The following TSHZ3 variants were observed in gnomAD, a reference collection of about 807,000 sequenced individuals.
TSHZ3 encodes the protein teashirt zinc finger homeobox 3.
In TSHZ3, 10 loss-of-function variants were observed where a neutral mutation model predicts 64.5. The ratio of observed to expected loss-of-function variants is 0.16; its 90% CI spans 0.10 to 0.26. The LOEUF (loss-of-function observed/expected upper bound fraction) is 0.26. Among genes scored for constraint, TSHZ3 ranks in the 10% least tolerant of loss-of-function variants. TSHZ3 has a pLI of 1.00. For missense variants in TSHZ3, 1,242 were observed against 1,421.7 expected (o/e 0.87, Z 2.03); for synonymous variants, 608 against 593.1 (o/e 1.03, Z -0.36).
Position 31,238,986 on chromosome 19 carries a change from A to G in TSHZ3, n.550+3283T>C, listed in dbSNP as rs529590202. 2.8e-3 allele frequency among the ~76,000 whole-genome samples: 433 copies of G among 152,280 alleles called. 1 individual carries two copies. Among genetic ancestry groups the G allele is most frequent in the African/African-American group, 9.7e-3 (402 of 41,562 alleles). On this transcript the variant is annotated intron_variant and non_coding_transcript_variant, in intron 3 of 6. Transcript: ENST00000651361. Reference sequence around the variant, plus strand: ...TTGCTTATTTCCTGTATTCTTTGATAAATATTTTAGATATCTAATACATCT... The same window carrying G: ...TTGCTTATTTCCTGTATTCTTTGATGAATATTTTAGATATCTAATACATCT...
chr19:31,233,703 C>G (rs1212648172), intron 3 of TSHZ3, among the ~76,000 whole-genome samples: 1 of 152,126 alleles, frequency 6.6e-6, no homozygotes, highest in East Asian at 1.9e-4. Flanking sequence ...AGAAGTTCTA[C>G]AGTTGAAGGC....
intron 1 of TSHZ3, among the ~76,000 whole-genome samples, chr19:31,244,779 G>A (rs1191307393): frequency 6.6e-6 from 1 of 152,112 alleles, no homozygotes; most frequent in East Asian, 1.9e-4. Flanking sequence ...AAGTAGCTGG[G>A]ACTACAGGCA....
At chr19:31,189,860 G>A (rs1026849405) in intron 5 of TSHZ3, among the ~76,000 whole-genome samples, 1 of 152,006 alleles carries the variant, frequency 6.6e-6, no homozygotes, top group Admixed American at 6.6e-5. Flanking sequence ...AGTTCCTTAA[G>A]TTTCTCCTTT....
intron 1 of TSHZ3, among the ~76,000 whole-genome samples, chr19:31,306,884 A>C (rs1163434914): frequency 6.6e-6 from 1 of 152,188 alleles, no homozygotes; most frequent in Admixed American, 6.5e-5. Flanking sequence ...ACATTCCAGC[A>C]TACGCCGCAG....
intron 5 of TSHZ3, among the ~76,000 whole-genome samples, chr19:31,200,603 A>G (rs1036790204): frequency 1.3e-5 from 2 of 152,198 alleles, no homozygotes; most frequent in Non-Finnish European, 2.9e-5. Context: ...ACGAAGCACA[A>G]AGGATATTTA....
At position 31,159,309 on chromosome 19, in the gene TSHZ3, T is replaced by G. The variant is rs78096698; in HGVS notation, n.810-2892A>C. 4.2e-3 allele frequency among the ~76,000 whole-genome samples: 640 copies of G among 152,032 alleles called. 3 individuals carry two copies. The highest frequency in any genetic ancestry group is 0.013 in the African/African-American group (542 of 41,434). ...AGCCACCATGCCCAGCCATCCCTCT[T>G]CTACTTTTAAGGACCTTCGTGATTA... is the stretch of plus-strand genomic sequence containing the variant. On this transcript the variant is annotated intron_variant and non_coding_transcript_variant, in intron 5 of 6. Transcript: ENST00000651361.
At chr19:31,328,718 C>T (rs1916993881) in intron 1 of TSHZ3, among the ~76,000 whole-genome samples, 1 of 152,040 alleles carries the variant, frequency 6.6e-6, no homozygotes, top group Admixed American at 6.5e-5. Flanking sequence ...AAGGGTCAGG[C>T]CTAGATGGTA....
intron 5 of TSHZ3, among the ~76,000 whole-genome samples, chr19:31,169,753 G>T (rs1974510321): frequency 6.6e-6 from 1 of 152,164 alleles, no homozygotes; most frequent in African/African-American, 2.4e-5. Context: ...GTAAGGGTGA[G>T]CCCTTGGCCA....
At chr19:31,251,600 C>G (rs1260983092) in intron 1 of TSHZ3, among the ~76,000 whole-genome samples, 1 of 152,290 alleles carries the variant, frequency 6.6e-6, no homozygotes, top group South Asian at 2.1e-4. Flanking sequence ...TCTAGCCCCA[C>G]CCTCTCCCCA....
intron 1 of TSHZ3, among the ~76,000 whole-genome samples, chr19:31,331,662 G>A (rs1917099007): frequency 6.6e-6 from 1 of 152,206 alleles, no homozygotes; most frequent in Non-Finnish European, 1.5e-5. Context: ...GGAGGCCAGC[G>A]GCTGCATTCA....
At chr19:31,159,530 T>G (rs983279617) in intron 5 of TSHZ3, among the ~76,000 whole-genome samples, 1 of 152,210 alleles carries the variant, frequency 6.6e-6, no homozygotes, top group South Asian at 2.1e-4. Context: ...TTCCACCTTT[T>G]TAATGTGGCT....
chr19:31,245,836 GC>G lies in TSHZ3; in HGVS notation n.64-2962del, dbSNP rs1322943985. ...CTCAGCATTCATTGCAGGTAGTGTGGCCCCCAGTGCAGCCACATTGGAATCC... is the reference window on the plus strand; with the variant it reads ...CTCAGCATTCATTGCAGGTAGTGTGGCCCCAGTGCAGCCACATTGGAATCC... On this transcript the variant is annotated intron_variant and non_coding_transcript_variant, in intron 1 of 6. Coordinates refer to the TSHZ3 transcript ENST00000651361. 3.9e-5 allele frequency among the ~76,000 whole-genome samples: 6 copies of G among 152,234 alleles called. No homozygotes were observed. The East Asian group carries it at 1.2e-3, about 29-fold the overall frequency.
At chr19:31,260,844 C>T (rs1410858401) in intron 1 of TSHZ3, among the ~76,000 whole-genome samples, 11 of 152,332 alleles carry the variant, frequency 7.2e-5, no homozygotes, top group Admixed American at 2.0e-4. Context: ...CTTAGGAAGG[C>T]ACTGAGCTTG....
chr19:31,350,036 C>T (rs1212264863), upstream of TSHZ3, among the ~76,000 whole-genome samples: 7 of 141,476 alleles, frequency 4.9e-5, no homozygotes, highest in Non-Finnish European at 9.4e-5. Flanking sequence ...CCGGGGCGCT[C>T]GTTACCCCCC....
chr19:31,229,905 A>T (rs1374322670), intron 3 of TSHZ3, among the ~76,000 whole-genome samples: 1 of 152,206 alleles, frequency 6.6e-6, no homozygotes, highest in Admixed American at 6.5e-5. Flanking sequence ...TAAAAAAGAA[A>T]AGATTATGTA....
At chr19:31,227,129 C>A (rs1022359173) in intron 4 of TSHZ3, among the ~76,000 whole-genome samples, 2 of 151,634 alleles carry the variant, frequency 1.3e-5, no homozygotes, top group African/African-American at 4.8e-5. Flanking sequence ...CAGGCCTGTG[C>A]CACCATGCCT....
chr19:31,298,323 G>A (rs371967490), intron 1 of TSHZ3, among the ~76,000 whole-genome samples: 17 of 152,136 alleles, frequency 1.1e-4, no homozygotes, highest in African/African-American at 3.9e-4. Context: ...GGGTAGGCAA[G>A]GGGGTCCCAG....
At chr19:31,248,227 C>G (rs1339185874) in intron 1 of TSHZ3, among the ~76,000 whole-genome samples, 7 of 152,008 alleles carry the variant, frequency 4.6e-5, no homozygotes. Flanking sequence ...GGTGGGGACA[C>G]AGCCAAGTCA....
chr19:31,296,111 T>A (rs16965399), intron 1 of TSHZ3, among the ~76,000 whole-genome samples: 7,110 of 150,922 alleles, frequency 0.047, 299 homozygotes, highest in African/African-American at 0.11. Flanking sequence ...CAAACATGGG[T>A]CTCTGTTTTC....
Sources: gnomAD v4.1 joint callset for allele counts (sites outside exome capture counted in the v4.1 genomes callset) on GRCh38, gnomAD v4.1.1 for gene constraint, MANE v1.5 for transcripts, NCBI Gene and HGNC (gene_info 2026-07-23, HGNC 2026-07-21) for gene names.